RBPJ: variants seen among roughly 807,000 people sequenced by gnomAD.
RBPJ encodes the protein recombination signal binding protein for immunoglobulin kappa J region.
In RBPJ, 9 loss-of-function variants were observed where a neutral mutation model predicts 67.8. The observed-to-expected ratio is 0.13, with a 90% CI of 0.08 to 0.23. The LOEUF (loss-of-function observed/expected upper bound fraction) is 0.23. Ranked by LOEUF, RBPJ falls within the 10% of genes least tolerant of loss-of-function variation. RBPJ has a pLI of 1.00. For missense variants in RBPJ, 305 were observed against 595.6 expected, an observed-to-expected ratio of 0.51 and a Z score of 5.08; for synonymous variants, 198 against 203.3, an observed-to-expected ratio of 0.97 and a Z score of 0.22.
At chr4:26,419,033 C>T (rs575188014) in intron 4 of RBPJ, among the ~76,000 whole-genome samples, 112 of 152,268 alleles carry the variant, frequency 7.4e-4, no homozygotes, top group African/African-American at 1.6e-3. Flanking sequence ...GGCTGGAGTG[C>T]GGTGGTGGGA....
chr4:26,134,165 C>G, the RBPJ span, among the ~76,000 whole-genome samples: 1 of 151,990 alleles, frequency 6.6e-6, no homozygotes, highest in African/African-American at 2.4e-5. Context: ...TTAAATGAAC[C>G]CTATTTAGAG....
At chr4:26,132,102 G>A in the RBPJ span, among the ~76,000 whole-genome samples, 1 of 152,012 alleles carries the variant, frequency 6.6e-6, no homozygotes, top group South Asian at 2.1e-4. Context: ...CTGGGCCACT[G>A]TGTAAGATGG....
chr4:26,358,020 C>CGTGTGTGT (rs4069724), intron 1 of RBPJ, among the ~76,000 whole-genome samples: 20,096 of 145,008 alleles, frequency 0.14, 1,587 homozygotes, highest in Admixed American at 0.19. Context: ...AGGGGGTATT[C>CGTGTGTGT]GTGTGTGTGT....
Position 26,398,405 on chromosome 4 carries a change from C to T in RBPJ, c.60-7770C>T, listed in dbSNP as rs74818551. 3.2e-3 allele frequency among the ~76,000 whole-genome samples: 480 copies of T among 152,246 alleles called. 13 individuals are homozygous for T. In the East Asian group the frequency reaches 0.069, roughly 22 times the overall value. ...CACCATAAGGACACCGCAAACTCAC[C>T]GCTATAATTAATGTCCTAGCGGGAG... On this transcript the variant is annotated intron_variant, in intron 2 of 10. Coordinates refer to ENST00000355476, the MANE Select transcript of RBPJ (RefSeq NM_015874.6).
Position 26,430,912 on chromosome 4 carries a change from C to T in RBPJ, c.1369C>T (p.Pro457Ser). The change falls in exon 11 of 11, where the codon CCT (proline) becomes TCT (serine). Residue 457 changes from proline to serine, a missense_variant. Coordinates refer to ENST00000355476, the MANE Select transcript of RBPJ (RefSeq NM_015874.6). The surrounding 1 kb of genome is among the most constrained non-coding windows in gnomAD (Gnocchi z 4.1). ...ILRANSSQVP[P>S]NESNTNSEGS... ...TCGAGCCAATTCAAGCCAGGTGCCC[C>T]CTAACGAATCAAACACAAACAGCGA... 6.2e-7 allele frequency: 1 copy of T among 1,614,010 alleles called. No individual in the cohort carries two copies.
chr4:26,392,431 G>A (rs1012750749), intron 2 of RBPJ, among the ~76,000 whole-genome samples: 3 of 152,176 alleles, frequency 2.0e-5, no homozygotes, highest in African/African-American at 7.2e-5. Context: ...CAACAGGTGA[G>A]TGGATCAACA....
At position 26,197,186 on chromosome 4, in the gene RBPJ, A is replaced by G. The variant is rs1379829230; in HGVS notation, c.-167+33572A>G. ...ACTTCAACCAAGGTCAGCAGTGGCA[A>G]GGTTGTGGTGACCAGTGCTCGGTTG... On this transcript the variant is annotated intron_variant, in intron 1 of 4. Transcript: ENST00000512351. 3.9e-5 allele frequency among the ~76,000 whole-genome samples: 6 copies of G among 152,188 alleles called. No homozygotes were observed. The East Asian group carries it at 1.2e-3, about 29-fold the overall frequency.
intron 1 of RBPJ, among the ~76,000 whole-genome samples, chr4:26,215,281 A>AGGAAAGT (rs1718662852): frequency 8.9e-6 from 1 of 112,496 alleles, no homozygotes; most frequent in African/African-American, 4.4e-5. Flanking sequence ...GGAAAAAGAG[A>AGGAAAGT]GAGAAAGAAA....
At chr4:26,173,813 A>G (rs1211573344) in intron 1 of RBPJ, among the ~76,000 whole-genome samples, 2 of 152,238 alleles carry the variant, frequency 1.3e-5, no homozygotes, top group Non-Finnish European at 2.9e-5. Context: ...GGTGCTGAGC[A>G]TATTAAAATA....
chr4:26,205,883 A>T (rs1389653464), intron 1 of RBPJ, among the ~76,000 whole-genome samples: 1 of 152,080 alleles, frequency 6.6e-6, no homozygotes, highest in Non-Finnish European at 1.5e-5. Context: ...ATGAGCCGCC[A>T]CACCCAGCCT....
chr4:26,352,603 C>T (rs904765399), intron 1 of RBPJ, among the ~76,000 whole-genome samples: 2 of 152,188 alleles, frequency 1.3e-5, no homozygotes, highest in African/African-American at 4.8e-5. Flanking sequence ...AGCTTGAGAC[C>T]TAGGAAGGAG....
the RBPJ span, among the ~76,000 whole-genome samples, chr4:26,143,281 C>T: frequency 6.6e-6 from 1 of 152,206 alleles, no homozygotes; most frequent in Non-Finnish European, 1.5e-5. Flanking sequence ...GTGCCATACA[C>T]CTCATCCCTC....
upstream of RBPJ, among the ~76,000 whole-genome samples, chr4:26,318,923 G>C (rs1722761135): frequency 6.8e-6 from 1 of 147,210 alleles, no homozygotes; most frequent in African/African-American, 2.5e-5. Flanking sequence ...CGTGAATCCA[G>C]GAGGCGGAGC....
Position 26,306,438 on chromosome 4 carries a change from A to AATTATTATTATTATTATT in RBPJ, c.-166-55995_-166-55978dup, listed in dbSNP as rs556823125. Among the ~76,000 whole-genome samples, 1,008 of 147,154 alleles carry AATTATTATTATTATTATT rather than the reference A, an allele frequency of 6.8e-3. 7 individuals carry two copies. The highest frequency in any genetic ancestry group is 0.012 in the African/African-American group (465 of 39,700). ...TAGTTTTCTTATCATTTATTTGGAG[A>AATTATTATTATTATTATT]ATTATTATTATTATTATTATTATTA... is the stretch of plus-strand genomic sequence containing the variant. On this transcript the variant is annotated intron_variant, in intron 1 of 4. Coordinates refer to the RBPJ transcript ENST00000512351.
upstream of RBPJ, chr4:26,319,578 T>G: frequency 1.2e-4 from 57 of 480,488 alleles, no homozygotes; most frequent in East Asian, 2.6e-4. Flanking sequence ...CTCCGCGAGA[T>G]TTGGGGCGAA....
At chr4:26,404,924 C>T (rs189391995) in intron 2 of RBPJ, among the ~76,000 whole-genome samples, 2 of 152,194 alleles carry the variant, frequency 1.3e-5, no homozygotes, top group Admixed American at 6.5e-5. Flanking sequence ...TTTACATAGG[C>T]GTTCCCTTAT....
At position 26,433,307 on chromosome 4, in the gene RBPJ, G is replaced by T. The variant is rs1736393709; in HGVS notation, c.*2300G>T. The T allele has an allele frequency of 6.6e-6, 1 of 152,126 alleles. No homozygotes were observed. The highest frequency in any genetic ancestry group is 1.5e-5 in the Non-Finnish European group (1 of 68,022). 9.4% of individuals were successfully genotyped at this position (152,126 alleles called of 1,614,324 possible). On this transcript the variant is annotated 3_prime_UTR_variant, in exon 11 of 11. Coordinates refer to ENST00000355476, the MANE Select transcript of RBPJ (RefSeq NM_015874.6). ...GTCATGGCAGGAATCATTACACAGT[G>T]CTTTTGTTCAGAGCATGGACATGTT...
intron 1 of RBPJ, among the ~76,000 whole-genome samples, chr4:26,177,817 C>G (rs991297093): frequency 5.9e-5 from 9 of 152,194 alleles, no homozygotes; most frequent in African/African-American, 2.2e-4. Context: ...ATAATGCCAT[C>G]ATGCAGGGAT....
At chr4:26,143,336 AG>A in the RBPJ span, among the ~76,000 whole-genome samples, 1 of 152,166 alleles carries the variant, frequency 6.6e-6, no homozygotes, top group African/African-American at 2.4e-5. Context: ...TCTTCTTAAC[AG>A]GTAAGTTGTA....
Sources: allele counts gnomAD v4.1 joint callset (sites outside exome capture counted in the v4.1 genomes callset), GRCh38; gene constraint gnomAD v4.1.1; non-coding constraint Gnocchi (gnomAD v3.1); transcripts MANE v1.5; gene names NCBI Gene and HGNC (gene_info 2026-07-23, HGNC 2026-07-21).